Variants in SPRED1 observed in about 807,000 individuals in gnomAD.
SPRED1 encodes sprouty related EVH1 domain containing 1.
SPRED1 carries 18 observed loss-of-function variants against 52.3 expected under a neutral mutation model. That is an observed-to-expected ratio of 0.34 (90% CI 0.24 to 0.51). The LOEUF is 0.51. Ranked by LOEUF, SPRED1 falls within the 20% of genes least tolerant of loss-of-function variation. SPRED1 has a pLI of 0.97. For synonymous variants in SPRED1, 155 were observed against 179.7 expected, an observed-to-expected ratio of 0.86 and a Z score of 1.10; for missense variants, 485 against 551.0, an observed-to-expected ratio of 0.88 and a Z score of 1.20.
chr15:38,338,710 T>C (rs1055800412), intron 4 of SPRED1, among the ~76,000 whole-genome samples: 2 of 152,184 alleles, frequency 1.3e-5, no homozygotes, highest in Non-Finnish European at 2.9e-5. Flanking sequence ...TAAAATAGCA[T>C]CGGTATTACA....
intron 2 of SPRED1, among the ~76,000 whole-genome samples, chr15:38,310,153 G>GTGTGTGTGTGTGTGTGTGTGTGTTT (rs373463622): frequency 1.5e-5 from 2 of 132,186 alleles, no homozygotes; most frequent in East Asian, 2.3e-4. Context: ...GTGTGTGTGT[G>GTGTGTGTGTGTGTGTGTGTGTGTTT]TTTGGAGACG....
At chr15:38,321,186 A>G (rs1345962854) in intron 2 of SPRED1, among the ~76,000 whole-genome samples, 1 of 152,226 alleles carries the variant, frequency 6.6e-6, no homozygotes, top group African/African-American at 2.4e-5. Context: ...AATAAAGTAA[A>G]TTAAATGTTT....
intron 2 of SPRED1, among the ~76,000 whole-genome samples, chr15:38,307,181 T>C (rs1895266904): frequency 6.6e-6 from 1 of 152,240 alleles, no homozygotes; most frequent in Non-Finnish European, 1.5e-5. Flanking sequence ...AATTATAATT[T>C]GAATGTGTCA....
intron 1 of SPRED1, among the ~76,000 whole-genome samples, chr15:38,278,828 GT>G (rs765637726): frequency 1.9e-4 from 22 of 118,256 alleles, no homozygotes; most frequent in African/African-American, 4.6e-4. Context: ...TAACTACACT[GT>G]TTTTTTTTTT....
chr15:38,323,029 T>G (rs1327005327), intron 3 of SPRED1, among the ~76,000 whole-genome samples: 2 of 152,166 alleles, frequency 1.3e-5, no homozygotes, highest in Admixed American at 1.3e-4. Context: ...TAAAACCCAT[T>G]TCTTCCCATA....
At chr15:38,271,161 T>C (rs1198627166) in intron 1 of SPRED1, among the ~76,000 whole-genome samples, 2 of 152,238 alleles carry the variant, frequency 1.3e-5, no homozygotes, top group Non-Finnish European at 2.9e-5. Flanking sequence ...AAGTGTGATA[T>C]TATCTAAATG....
rs532033889 is a variant in SPRED1, at chr15:38,354,075, CT to C, written c.*2414del. 6 of 152,466 alleles carry C rather than the reference CT, an allele frequency of 3.9e-5. No individual in the cohort carries two copies. The highest frequency in any genetic ancestry group is 6.6e-5 in the Admixed American group (1 of 15,266). 9.4% of individuals were successfully genotyped at this position (152,466 alleles called of 1,614,324 possible). ...AAATGGTTTTTATTTTACCTTGGAT[CT>C]TTATAGTTAACATACCCAGTTTCTT... On this transcript the variant is annotated 3_prime_UTR_variant, in exon 7 of 7. Coordinates refer to ENST00000299084, the MANE Select transcript of SPRED1 (RefSeq NM_152594.3).
intron 5 of SPRED1, among the ~76,000 whole-genome samples, chr15:38,348,873 A>G (rs527760486): frequency 6.6e-6 from 1 of 152,298 alleles, no homozygotes; most frequent in East Asian, 1.9e-4. Context: ...GTATCAGGAC[A>G]CTAAAGATTC....
chr15:38,334,436 G>A (rs1478502274), intron 4 of SPRED1, among the ~76,000 whole-genome samples: 1 of 151,982 alleles, frequency 6.6e-6, no homozygotes, highest in African/African-American at 2.4e-5. Flanking sequence ...GTATGATTAT[G>A]TGTATAGTCC....
intron 1 of SPRED1, among the ~76,000 whole-genome samples, chr15:38,277,994 G>A (rs963363986): frequency 1.4e-5 from 1 of 73,332 alleles, no homozygotes; most frequent in African/African-American, 3.8e-5. Flanking sequence ...TTAAATTAAT[G>A]TAAGGATGTA....
At chr15:38,344,500 G>A (rs1477237964) in intron 5 of SPRED1, among the ~76,000 whole-genome samples, 1 of 152,146 alleles carries the variant, frequency 6.6e-6, no homozygotes, top group African/African-American at 2.4e-5. Context: ...TACAAAAAGT[G>A]CTGAATAACT....
At chr15:38,318,275 C>G (rs759132133) in intron 2 of SPRED1, among the ~76,000 whole-genome samples, 1 of 151,928 alleles carries the variant, frequency 6.6e-6, no homozygotes, top group Non-Finnish European at 1.5e-5. Context: ...AAGTTGAGAT[C>G]TAGTTTATAA....
intron 4 of SPRED1, among the ~76,000 whole-genome samples, chr15:38,337,902 A>T (rs2141006274): frequency 6.6e-6 from 1 of 152,018 alleles, no homozygotes; most frequent in East Asian, 1.9e-4. Flanking sequence ...GAGATTATTG[A>T]GGCAGATATT....
intron 1 of SPRED1, among the ~76,000 whole-genome samples, chr15:38,286,128 A>T (rs1198836417): frequency 6.7e-6 from 1 of 149,892 alleles, no homozygotes; most frequent in Non-Finnish European, 1.5e-5. Flanking sequence ...GCCTATGGTC[A>T]CGCCTACTGA....
At chr15:38,322,532 C>CCA in intron 3 of SPRED1, 123 bp downstream of exon 3, 1 of 937,688 alleles carries the variant, frequency 1.1e-6, no homozygotes, top group East Asian at 2.5e-5. Context: ...TGATATGTGA[C>CCA]CAGGCTTTGA....
intron 1 of SPRED1, among the ~76,000 whole-genome samples, chr15:38,272,196 T>C (rs1894449410): frequency 6.6e-6 from 1 of 151,986 alleles, no homozygotes; most frequent in Non-Finnish European, 1.5e-5. Flanking sequence ...TGATCATGAG[T>C]GCACGTGTCT....
chr15:38,286,689 T>C (rs1428412761), intron 1 of SPRED1, among the ~76,000 whole-genome samples: 2 of 152,176 alleles, frequency 1.3e-5, no homozygotes, highest in Non-Finnish European at 2.9e-5. Context: ...ACAGTATTGA[T>C]GAAGTATCTC....
chr15:38,260,784 A>C (rs1004085305), intron 1 of SPRED1, among the ~76,000 whole-genome samples: 2 of 152,172 alleles, frequency 1.3e-5, no homozygotes, highest in African/African-American at 4.8e-5. Flanking sequence ...CAGGCTGCCA[A>C]AAACATCCAT....
intron 2 of SPRED1, among the ~76,000 whole-genome samples, chr15:38,304,205 C>T (rs1007387100): frequency 1.3e-5 from 2 of 152,120 alleles, no homozygotes; most frequent in African/African-American, 4.8e-5. Context: ...TCTTGAAAGA[C>T]CAGGGAAACA....
Sources: gnomAD v4.1 joint callset for allele counts (sites outside exome capture counted in the v4.1 genomes callset) on GRCh38, gnomAD v4.1.1 for gene constraint, MANE v1.5 for transcripts, NCBI Gene and HGNC (gene_info 2026-07-23, HGNC 2026-07-21) for gene names.